The following NRDC variants were observed in gnomAD, a reference collection of about 807,000 sequenced individuals.
NRDC encodes nardilysin.
A neutral mutation model predicts 147.1 loss-of-function variants in NRDC; 54 were observed. The observed-to-expected ratio is 0.37, with a 90% confidence interval of 0.29 to 0.46. The LOEUF is 0.46. NRDC is among the 20% of genes least tolerant of loss of function. The pLI is 1.00. For synonymous variants in NRDC, 440 were observed against 482.1 expected, an observed-to-expected ratio of 0.91 and a Z score of 1.14; for missense variants, 1,082 against 1,370.6, an observed-to-expected ratio of 0.79 and a Z score of 3.33.
intron 14 of NRDC, among the ~76,000 whole-genome samples, chr1:51,813,673 G>GTAAATA (rs1427801515): frequency 1.3e-5 from 2 of 152,046 alleles, no homozygotes; most frequent in African/African-American, 4.8e-5. Flanking sequence ...ATTATACATG[G>GTAAATA]TAAATATAAA....
At chr1:51,829,778 T>C (rs76853401) in intron 4 of NRDC, among the ~76,000 whole-genome samples, 2,733 of 152,228 alleles carry the variant, frequency 0.018, 80 homozygotes, top group African/African-American at 0.063. Context: ...GGTTAATTCC[T>C]TCTGTCTTAT....
rs1252849627 is a variant in NRDC at position 51,789,357 on chromosome 1, A to G, written c.3335T>C (p.Val1112Ala). The G allele has an allele frequency of 6.2e-7, 1 of 1,614,186 alleles. No individual in the cohort carries two copies. Among genetic ancestry groups the G allele is most frequent in the South Asian group, 1.1e-5 (1 of 91,084 alleles). The change falls in exon 31 of 31, where the codon GTG becomes GCG. Residue 1112 changes from valine (V) to alanine (A), a missense_variant. Physicochemically the swap from Val to Ala is moderately conservative, Grantham distance 64. Transcript: ENST00000352171. ...GGTTGGCAGGTAGGTCAGCTGCATCACTTCACAAGAAGAATTTGAATCCTC... is the reference window on the plus strand; with the variant it reads ...GGTTGGCAGGTAGGTCAGCTGCATCGCTTCACAAGAAGAATTTGAATCCTC... ...SSEDSNSSCE[V>A]MQLTYLPTSP...
chr1:51,804,639 G>A (rs7549314), intron 19 of NRDC, among the ~76,000 whole-genome samples: 7 of 80,960 alleles, frequency 8.6e-5, no homozygotes, highest in African/African-American at 3.7e-4. Flanking sequence ...CCAAGTATCT[G>A]CTACGTTCAG....
intron 1 of NRDC, among the ~76,000 whole-genome samples, chr1:51,857,346 CT>C (rs1682303672): frequency 6.6e-6 from 1 of 152,188 alleles, no homozygotes; most frequent in Non-Finnish European, 1.5e-5. Flanking sequence ...CATCACTTTC[CT>C]TTTTGTGTCC....
chr1:51,823,811 A>G (rs760292529), intron 6 of NRDC, 25 bp from the exon 7 acceptor site: 3 of 1,545,102 alleles, frequency 1.9e-6, no homozygotes, highest in East Asian at 4.5e-5. Flanking sequence ...AAAAAATTAT[A>G]GATATAACTA....
intron 4 of NRDC, among the ~76,000 whole-genome samples, chr1:51,830,192 T>C (rs950055980): frequency 3.3e-5 from 5 of 152,086 alleles, no homozygotes; most frequent in African/African-American, 9.7e-5. Context: ...TTCAAACTCC[T>C]GACCTCGTGA....
At chr1:51,810,184 C>CT (rs1679650906) in intron 16 of NRDC, 97 bp downstream of exon 16, 1 of 853,268 alleles carries the variant, frequency 1.2e-6, no homozygotes, top group South Asian at 3.6e-5. Flanking sequence ...AAAAATTATA[C>CT]TTTTTCCCCC....
At chr1:51,846,347 C>T (rs1010676301) in intron 1 of NRDC, among the ~76,000 whole-genome samples, 1 of 152,144 alleles carries the variant, frequency 6.6e-6, no homozygotes, top group Non-Finnish European at 1.5e-5. Flanking sequence ...TTCCTGACCT[C>T]AAGTGATCCA....
intron 1 of NRDC, among the ~76,000 whole-genome samples, chr1:51,850,305 A>G (rs1297781491): frequency 6.6e-6 from 1 of 152,028 alleles, no homozygotes; most frequent in Non-Finnish European, 1.5e-5. Flanking sequence ...AGAGCAGTGT[A>G]TATAATACTG....
chr1:51,805,204 A>G (rs1335103744), intron 19 of NRDC, among the ~76,000 whole-genome samples: 1 of 152,244 alleles, frequency 6.6e-6, no homozygotes, highest in African/African-American at 2.4e-5. Context: ...CAGTCTCATT[A>G]TAGACTGGGC....
chr1:51,851,993 C>T (rs1681972778), intron 1 of NRDC, among the ~76,000 whole-genome samples: 1 of 152,106 alleles, frequency 6.6e-6, no homozygotes, highest in Non-Finnish European at 1.5e-5. Context: ...CTTTTGATTT[C>T]CTGTCCTCCA....
intron 4 of NRDC, among the ~76,000 whole-genome samples, chr1:51,829,500 A>C (rs1030033372): frequency 2.0e-5 from 3 of 152,268 alleles, no homozygotes; most frequent in Non-Finnish European, 2.9e-5. Flanking sequence ...ATCTGGCAAA[A>C]ATTTTCCATA....
At chr1:51,871,136 A>G (rs1683066843) in intron 1 of NRDC, among the ~76,000 whole-genome samples, 1 of 152,030 alleles carries the variant, frequency 6.6e-6, no homozygotes, top group African/African-American at 2.4e-5. Context: ...GGCCAAGATG[A>G]TGAAATCCCC....
intron 1 of NRDC, among the ~76,000 whole-genome samples, chr1:51,869,022 C>T (rs971840330): frequency 3.3e-5 from 5 of 152,160 alleles, no homozygotes; most frequent in African/African-American, 1.2e-4. Context: ...TCACTACAAC[C>T]TCAAACTCTT....
intron 1 of NRDC, among the ~76,000 whole-genome samples, chr1:51,865,376 C>T (rs1202368414): frequency 2.6e-5 from 4 of 151,594 alleles, no homozygotes; most frequent in Non-Finnish European, 5.9e-5. Flanking sequence ...GTGATCATGG[C>T]TCATGCAACC....
intron 2 of NRDC, among the ~76,000 whole-genome samples, chr1:51,838,497 G>T (rs1681094482): frequency 6.6e-6 from 1 of 152,150 alleles, no homozygotes; most frequent in African/African-American, 2.4e-5. Flanking sequence ...TCAGATCATG[G>T]GAAAAGCTAC....
At chr1:51,817,131 TAC>T (rs1044690567) in intron 10 of NRDC, among the ~76,000 whole-genome samples, 4 of 152,228 alleles carry the variant, frequency 2.6e-5, no homozygotes, top group African/African-American at 9.6e-5. Context: ...TTAATTAGGT[TAC>T]ACAGTTAAAT....
rs1679748546 is a variant in NRDC, at chr1:51,812,078, C to CACATACT, written c.1688_1694dup (p.Glu566ValfsTer7). ...GCTGCATGTTCTCACACATGTTTTC[C>CACATACT]ACATACTCAACTGGATCTGTCTGTA... is the stretch of plus-strand genomic sequence containing the variant. On this transcript the variant is annotated frameshift_variant, in exon 15 of 31. Transcript: ENST00000352171. LOFTEE classifies it high-confidence loss of function. 6.2e-7 allele frequency: 1 copy of CACATACT among 1,613,400 alleles called. No homozygotes were observed. Among genetic ancestry groups the CACATACT allele is most frequent in the African/African-American group, 1.3e-5 (1 of 74,894 alleles).
chr1:51,870,471 C>T (rs982646653), intron 1 of NRDC, among the ~76,000 whole-genome samples: 1 of 152,182 alleles, frequency 6.6e-6, no homozygotes, highest in African/African-American at 2.4e-5. Flanking sequence ...ACCACGTATA[C>T]ACTTCACCCA....
Sources: allele counts gnomAD v4.1 joint callset (sites outside exome capture counted in the v4.1 genomes callset), GRCh38; gene constraint gnomAD v4.1.1; transcripts MANE v1.5; gene names NCBI Gene and HGNC (gene_info 2026-07-23, HGNC 2026-07-21).